Variants in KIF7 observed in about 807,000 individuals in gnomAD.
KIF7 encodes kinesin family member 7.
In KIF7, 104 loss-of-function variants were observed where a neutral mutation model predicts 135.7. The ratio of observed to expected loss-of-function variants is 0.77; its 90% confidence interval spans 0.65 to 0.90. The LOEUF (loss-of-function observed/expected upper bound fraction) is 0.90. Among genes scored for constraint, KIF7 ranks in the 40% least tolerant of loss-of-function variants. The pLI, the probability that KIF7 is intolerant of heterozygous loss-of-function variation, is 0.00. For missense variants in KIF7, 2,005 were observed against 1,839.1 expected (o/e 1.09, Z -1.65); for synonymous variants, 883 against 809.4 (o/e 1.09, Z -1.54).
In KIF7 at chr15:89,629,547, G is replaced by T. The variant is rs142032413; in HGVS notation, c.3345C>A (p.His1115Gln). ...GTTCCGAGAAGGCAATCTGCTGCTG[G>T]TGCTGCTCCTCTCGGAGCGTCACCA... ...DKVVTLREEQHQQQIAFSELE... is the reference protein window; with the variant it reads ...DKVVTLREEQQQQQIAFSELE... Residue 1115 changes from histidine to glutamine, a missense_variant, in exon 17 of 19, where the codon CAC becomes CAA. Transcript: ENST00000394412. 6.2e-7 allele frequency: 1 copy of T among 1,608,858 alleles called. No individual in the cohort carries two copies. The highest frequency in any genetic ancestry group is 8.5e-7 in the Non-Finnish European group (1 of 1,179,980).
Position 89,646,934 on chromosome 15 carries a change from G to GGGAGGC in KIF7, c.1683_1684insGCCTCC (p.Pro561_Arg562insAlaSer). Reference sequence around the variant, plus strand: ...CCCCCCAGGGGGGCTGTATGAGGTCGAGGCACAAAGGACCCGGGAGGCAGG... The same window carrying GGGAGGC: ...CCCCCCAGGGGGGCTGTATGAGGTCGGGAGGCAGGCACAAAGGACCCGGGAGGCAGG... On this transcript the variant is annotated inframe_insertion, in exon 7 of 19. Transcript: ENST00000394412. The GGGAGGC allele has an allele frequency of 6.2e-7, 1 of 1,613,972 alleles. No individual in the cohort carries two copies. Among genetic ancestry groups the GGGAGGC allele is most frequent in the South Asian group, 1.1e-5 (1 of 91,080 alleles).
intron 5 of KIF7, 122 bp downstream of exon 5, chr15:89,648,133 C>T: frequency 7.4e-7 from 1 of 1,346,982 alleles, no homozygotes; most frequent in Admixed American, 3.4e-5. Flanking sequence ...GTGACCGAAT[C>T]CCGAACGTGC....
chr15:89,647,304 A>G (rs1265771067), intron 6 of KIF7, among the ~76,000 whole-genome samples: 3 of 152,188 alleles, frequency 2.0e-5, no homozygotes, highest in East Asian at 1.9e-4. Context: ...GCCAGGAGCA[A>G]TGCTGACCTG....
intron 8 of KIF7, 143 bp downstream of exon 8, chr15:89,645,750 G>T: frequency 1.7e-6 from 2 of 1,174,786 alleles, no homozygotes; most frequent in Non-Finnish European, 2.4e-6. Flanking sequence ...TCCCCCAGGG[G>T]CTGGCCAGGG....
Position 89,646,872 on chromosome 15 carries a change from G to A in KIF7, c.1746C>T (p.Ala582=), listed in dbSNP as rs777131156. Residue 582 remains alanine (A), a synonymous_variant, in exon 7 of 19, where the codon GCC becomes GCT. Coordinates refer to ENST00000394412, the MANE Select transcript of KIF7 (RefSeq NM_198525.3). ...HAHVLGMVPP[A]CLPGDEVGSE... ...AGCCAACTTCATCTCCAGGGAGGCA[G>A]GCAGGCGGCACCATGCCCAGCACAT... 1 of 1,614,116 alleles carries A rather than the reference G, an allele frequency of 6.2e-7. No individual in the cohort carries two copies. Among genetic ancestry groups the A allele is most frequent in the South Asian group, 1.1e-5 (1 of 91,082 alleles).
chr15:89,651,718 T>A lies in KIF7; in HGVS notation c.328+885A>T, dbSNP rs182351027. 6.5e-3 allele frequency among the ~76,000 whole-genome samples: 988 copies of A among 152,238 alleles called. 7 individuals carry two copies. Among genetic ancestry groups the A allele is most frequent in the Non-Finnish European group, 0.011 (727 of 68,008 alleles). On this transcript the variant is annotated intron_variant, in intron 2 of 18. Transcript: ENST00000394412. ...CATGTGTTTTGCTGTATTTTCCTAA[T>A]TTTTTTTACACAAAGTATCTTTCTG...
Position 89,632,798 on chromosome 15 carries a change from ATC to A in KIF7, c.2895+20_2895+21del. ...ACTTCACTGGACCTCACCTGGCAGG[ATC>A]TCTCCTGGCAGGGCCTCACCTGGCT... On this transcript the variant is annotated intron_variant, in intron 14 of 18. Coordinates refer to ENST00000394412, the MANE Select transcript of KIF7 (RefSeq NM_198525.3). The A allele has an allele frequency of 6.3e-7, 1 of 1,596,740 alleles. No homozygotes were observed. Among genetic ancestry groups the A allele is most frequent in the Middle Eastern group, 2.1e-4 (1 of 4,822 alleles).
In KIF7 at chr15:89,629,010, C is replaced by T; in HGVS notation, c.3630G>A (p.Lys1210=). 3 of 1,613,782 alleles carry T rather than the reference C, an allele frequency of 1.9e-6. No individual in the cohort carries two copies. Among genetic ancestry groups the T allele is most frequent in the Non-Finnish European group, 2.5e-6 (3 of 1,179,970 alleles). ...GGCCTACAGCGTTCACACCGCCGAGCTTCTGTTTCAGTTCCTGGTTTATCC... is the reference window on the plus strand; with the variant it reads ...GGCCTACAGCGTTCACACCGCCGAGTTTCTGTTTCAGTTCCTGGTTTATCC... ...YMWINQELKQ[K]LGGVNAVGHS... The change falls in exon 18 of 19, where the codon AAG becomes AAA. Residue 1210 remains lysine, a synonymous_variant. Transcript: ENST00000394412.
chr15:89,653,020 G>A (rs1487038352), intron 1 of KIF7, 66 bp from the exon 2 acceptor site: 2 of 1,273,114 alleles, frequency 1.6e-6, no homozygotes, highest in Non-Finnish European at 2.1e-6. Flanking sequence ...TCACCCTGCA[G>A]GGGACTCGAG....
At chr15:89,629,902 G>A in intron 16 of KIF7, 1 of 521,150 alleles carries the variant, frequency 1.9e-6, no homozygotes, top group Non-Finnish European at 3.5e-6. Flanking sequence ...ATAATTCTTG[G>A]TTGTGGGGGC....
upstream of KIF7, among the ~76,000 whole-genome samples, chr15:89,660,025 C>T (rs2141515149): frequency 6.6e-6 from 1 of 152,240 alleles, no homozygotes; most frequent in East Asian, 1.9e-4. Context: ...GCTGAAAACC[C>T]ATCTCTACTG....
intron 11 of KIF7, among the ~76,000 whole-genome samples, chr15:89,639,365 T>C (rs867903457): frequency 0.016 from 2,373 of 145,492 alleles, 23 homozygotes; most frequent in Non-Finnish European, 0.027. Context: ...ACCTACAAAA[T>C]GGGAGAAAAT....
intron 1 of KIF7, among the ~76,000 whole-genome samples, chr15:89,619,218 C>CTTTTT (rs1444853735): frequency 1.1e-5 from 1 of 91,872 alleles, no homozygotes; most frequent in African/African-American, 4.3e-5. Context: ...CTACACCATT[C>CTTTTT]TTCTTTTTTT....
At chr15:89,635,695 A>G (rs1596070429) in intron 11 of KIF7, among the ~76,000 whole-genome samples, 1 of 152,160 alleles carries the variant, frequency 6.6e-6, no homozygotes, top group African/African-American at 2.4e-5. Flanking sequence ...CCAAATCTAC[A>G]TTTGACTGGT....
chr15:89,630,546 G>A (rs1443965221), intron 15 of KIF7, 53 bp from the exon 16 acceptor site: 1 of 1,437,714 alleles, frequency 7.0e-7, no homozygotes, highest in African/African-American at 1.4e-5. Flanking sequence ...GAATGCTGAA[G>A]TCCTGGGCAG....
chr15:89,628,638 A>C lies in KIF7; in HGVS notation c.3813T>G (p.Ala1271=), dbSNP rs963145880. The part of the protein sequence containing the change: ...TREETRDLVH[A]PLPLTWKRSS... ...AGCGTTTCCAGGTCAAGGGTAACGG[A>C]GCGTGGACCAAGTCCCGCGTCTCCT... The change falls in exon 19 of 19, where the codon GCT becomes GCG. Residue 1271 remains alanine, a synonymous_variant. Transcript: ENST00000394412. 6.2e-7 allele frequency: 1 copy of C among 1,613,036 alleles called. No homozygotes were observed. Among genetic ancestry groups the C allele is most frequent in the African/African-American group, 1.3e-5 (1 of 74,884 alleles).
rs769851023 is a variant in KIF7 at position 89,645,919 on chromosome 15, C to A, written c.1896G>T (p.Pro632=). 1 of 1,613,604 alleles carries A rather than the reference C, an allele frequency of 6.2e-7. No homozygotes were observed. The highest frequency in any genetic ancestry group is 1.7e-5 in the Admixed American group (1 of 60,014). ...ASEEEEEEEE[P]PRRTLHLRRN... is the part of the protein sequence containing the mutation. ...TGCGCAGGTGTAAGGTCCGCCTGGG[C>A]GGCTCCTCCTCCTCCTCTTCCTCCT... is the stretch of plus-strand genomic sequence containing the variant. Residue 632 remains proline (P), a synonymous_variant, in exon 8 of 19, where the codon CCG becomes CCT. Coordinates refer to ENST00000394412, the MANE Select transcript of KIF7 (RefSeq NM_198525.3).
intron 1 of KIF7, among the ~76,000 whole-genome samples, chr15:89,620,409 TG>T (rs1319732578): frequency 1.3e-5 from 2 of 152,116 alleles, no homozygotes; most frequent in African/African-American, 4.8e-5. Context: ...GGTTTCACCA[TG>T]TTGCCCAGGC....
At chr15:89,623,540 A>G, downstream of KIF7, 1 of 1,350,744 alleles carries the variant, frequency 7.4e-7, no homozygotes, top group Non-Finnish European at 1.0e-6. Flanking sequence ...TAAATCTCCC[A>G]TTTGGTCTTA....
Sources: gnomAD v4.1 joint callset for allele counts (sites outside exome capture counted in the v4.1 genomes callset) on GRCh38, gnomAD v4.1.1 for gene constraint, MANE v1.5 for transcripts, NCBI Gene and HGNC (gene_info 2026-07-23, HGNC 2026-07-21) for gene names.